ZC3H6: variants seen among roughly 807,000 people sequenced by gnomAD.
The protein encoded by ZC3H6 is zinc finger CCCH-type containing 6, also known as zinc finger CCCH domain-containing protein 6.
In ZC3H6, 40 loss-of-function variants were observed where a neutral mutation model predicts 107.7. The ratio of observed to expected loss-of-function variants is 0.37; its 90% CI spans 0.29 to 0.48. ZC3H6 has a LOEUF of 0.48. Ranked by LOEUF, ZC3H6 falls within the 20% of genes least tolerant of loss-of-function variation. The pLI, the probability that ZC3H6 is intolerant of heterozygous loss-of-function variation, is 0.98. For synonymous variants in ZC3H6, 493 were observed against 487.9 expected (o/e 1.01, Z -0.14); for missense variants, 1,267 against 1,410.4 (o/e 0.90, Z 1.63).
intron 7 of ZC3H6, among the ~76,000 whole-genome samples, chr2:112,317,822 G>T (rs1168388587): frequency 6.6e-6 from 1 of 152,052 alleles, no homozygotes; most frequent in African/African-American, 2.4e-5. Flanking sequence ...ACTATATATA[G>T]TGTTCTGGTC....
At chr2:112,299,819 T>C (rs1676333486) in intron 1 of ZC3H6, 30 bp from the exon 2 acceptor site, 1 of 1,333,124 alleles carries the variant, frequency 7.5e-7, no homozygotes, top group Non-Finnish European at 9.8e-7. Context: ...TTTAGAATGA[T>C]ATTTGAAAAT....
chr2:112,279,127 G>C (rs1487942032), intron 1 of ZC3H6, among the ~76,000 whole-genome samples: 1 of 152,202 alleles, frequency 6.6e-6, no homozygotes, highest in Non-Finnish European at 1.5e-5. Flanking sequence ...CATAAGCCCA[G>C]AGCCTAGTTT....
intron 5 of ZC3H6, among the ~76,000 whole-genome samples, chr2:112,315,678 C>T (rs1387299643): frequency 2.0e-5 from 3 of 152,038 alleles, no homozygotes; most frequent in Non-Finnish European, 4.4e-5. Context: ...TCACTGCAGG[C>T]TCCACCTCCC....
Position 112,315,696 on chromosome 2 carries a change from A to G in ZC3H6, c.748-774A>G, listed in dbSNP as rs1676684718. 3.3e-5 allele frequency among the ~76,000 whole-genome samples: 5 copies of G among 152,166 alleles called. 1 individual carries two copies. In the Middle Eastern group the frequency reaches 0.014, roughly 414 times the overall value. ...CTGCAGGCTCCACCTCCCAGGTTCAAGCGATTCTCGTGCCTCAGCCTCCCA... is the reference window on the plus strand; with the variant it reads ...CTGCAGGCTCCACCTCCCAGGTTCAGGCGATTCTCGTGCCTCAGCCTCCCA... On this transcript the variant is annotated intron_variant, in intron 5 of 11. Transcript: ENST00000409871.
chr2:112,313,707 C>A (rs1309185320), intron 5 of ZC3H6, among the ~76,000 whole-genome samples: 4 of 152,062 alleles, frequency 2.6e-5, no homozygotes, highest in African/African-American at 4.8e-5. Context: ...TGTGCCAGAG[C>A]CCACGGAAGC....
intron 7 of ZC3H6, among the ~76,000 whole-genome samples, chr2:112,320,708 G>C (rs1676785651): frequency 6.6e-6 from 1 of 151,826 alleles, no homozygotes; most frequent in Non-Finnish European, 1.5e-5. Context: ...TATTCTTATG[G>C]GGTTTTTGTT....
intron 1 of ZC3H6, among the ~76,000 whole-genome samples, chr2:112,289,324 T>G (rs1310192283): frequency 2.9e-5 from 2 of 69,290 alleles, no homozygotes; most frequent in Non-Finnish European, 6.3e-5. Context: ...TTCTTTTTCT[T>G]TTTTTTTTTT....
At chr2:112,317,747 C>T (rs1676728089) in intron 7 of ZC3H6, among the ~76,000 whole-genome samples, 1 of 152,112 alleles carries the variant, frequency 6.6e-6, no homozygotes, top group Non-Finnish European at 1.5e-5. Flanking sequence ...ATATTCTTCC[C>T]CACTCTCCCT....
At chr2:112,289,863 C>A (rs1172173942) in intron 1 of ZC3H6, among the ~76,000 whole-genome samples, 1 of 152,206 alleles carries the variant, frequency 6.6e-6, no homozygotes, top group Non-Finnish European at 1.5e-5. Context: ...ACCCCAGCCT[C>A]CAGAGTGGCT....
chr2:112,301,954 T>G (rs1233984753), intron 2 of ZC3H6, among the ~76,000 whole-genome samples: 1 of 151,916 alleles, frequency 6.6e-6, no homozygotes, highest in Non-Finnish European at 1.5e-5. Flanking sequence ...GTATATAATT[T>G]TATGAAAATA....
chr2:112,324,325 C>T lies in ZC3H6; in HGVS notation c.1514C>T (p.Ala505Val), dbSNP rs758927154. The change falls in exon 10 of 12, where the codon GCA becomes GTA. Residue 505 changes from alanine to valine, a missense_variant. Ala to Val is a moderately conservative substitution (Grantham distance 64, BLOSUM62 0). Coordinates refer to ENST00000409871, the MANE Select transcript of ZC3H6 (RefSeq NM_198581.3). ...GGCTCCCCTGGACATCACCCATGTG[C>T]AGGACCTCCTGGTCTACCAGTGCCA... ...HPGSPGHHPC[A>V]GPPGLPVPQS... The T allele has an allele frequency of 6.2e-7, 1 of 1,613,954 alleles. No homozygotes were observed. Among genetic ancestry groups the T allele is most frequent in the East Asian group, 2.2e-5 (1 of 44,876 alleles).
At chr2:112,309,647 C>T (rs1676557888) in intron 3 of ZC3H6, among the ~76,000 whole-genome samples, 1 of 152,080 alleles carries the variant, frequency 6.6e-6, no homozygotes, top group Non-Finnish European at 1.5e-5. Context: ...AGACATAGAA[C>T]ATAGAAAGCA....
chr2:112,323,010 T>C, intron 9 of ZC3H6, 108 bp downstream of exon 9: 8 of 1,227,030 alleles, frequency 6.5e-6, no homozygotes, highest in Non-Finnish European at 9.0e-6. Context: ...TGGTTAGAGA[T>C]AGCACATATC....
intron 1 of ZC3H6, among the ~76,000 whole-genome samples, chr2:112,293,700 A>G (rs1251011122): frequency 1.3e-5 from 2 of 152,236 alleles, no homozygotes; most frequent in Admixed American, 1.3e-4. Flanking sequence ...GGATTAATCA[A>G]GAGAACTATA....
chr2:112,325,041 G>A lies in ZC3H6; in HGVS notation c.1930G>A (p.Asp644Asn). 1.2e-6 allele frequency: 2 copies of A among 1,613,734 alleles called. No individual in the cohort carries two copies. Among genetic ancestry groups the A allele is most frequent in the Non-Finnish European group, 1.7e-6 (2 of 1,179,782 alleles). ...QDSPNHGSGS[D>N]GSSTRTGHGP... ...CTCACCTAACCATGGGAGTGGGTCTGATGGCAGCAGCACTAGGACAGGCCA... is the reference window on the plus strand; with the variant it reads ...CTCACCTAACCATGGGAGTGGGTCTAATGGCAGCAGCACTAGGACAGGCCA... The change falls in exon 11 of 12, where the codon GAT (aspartate) becomes AAT (asparagine). Residue 644 changes from aspartate to asparagine, a missense_variant. By Grantham distance (23) the Asp-to-Asn change is conservative. Transcript: ENST00000409871.
At position 112,310,107 on chromosome 2, in the gene ZC3H6, T is replaced by A. The variant is rs1434767443; in HGVS notation, c.559T>A (p.Ser187Thr). 1.2e-6 allele frequency: 2 copies of A among 1,613,086 alleles called. No homozygotes were observed. Among genetic ancestry groups the A allele is most frequent in the Non-Finnish European group, 1.7e-6 (2 of 1,179,508 alleles). Residue 187 changes from serine (S) to threonine (T), a missense_variant, in exon 4 of 12, where the codon TCA (serine) becomes ACA (threonine). By Grantham distance (58) the Ser-to-Thr change is moderately conservative. This residue lies in a region of ZC3H6 where 337 missense variants were observed against 361.2 expected (regional missense o/e 0.93). Coordinates refer to ENST00000409871, the MANE Select transcript of ZC3H6 (RefSeq NM_198581.3). ...AGAAACCTCAAATATTGCTTTAGGG[T>A]CATCATTTTCTAAAGAATCAGGAAA... ...AKETSNIALG[S>T]SFSKESGKKQ...
chr2:112,312,160 G>A, intron 5 of ZC3H6: 3 of 444,628 alleles, frequency 6.7e-6, no homozygotes, highest in Non-Finnish European at 1.2e-5. Flanking sequence ...ATGTTTGAAA[G>A]AACCTCAAAA....
At chr2:112,321,322 C>T (rs1676797042) in intron 7 of ZC3H6, among the ~76,000 whole-genome samples, 1 of 151,600 alleles carries the variant, frequency 6.6e-6, no homozygotes, top group African/African-American at 2.4e-5. Flanking sequence ...AGTAACAGAG[C>T]TTATGTAATT....
chr2:112,326,751 T>C (rs992666895), intron 11 of ZC3H6, among the ~76,000 whole-genome samples: 1 of 152,206 alleles, frequency 6.6e-6, no homozygotes, highest in Non-Finnish European at 1.5e-5. Flanking sequence ...TAGCTGGGAT[T>C]ACAGGTGTGC....
Sources: allele counts gnomAD v4.1 joint callset (sites outside exome capture counted in the v4.1 genomes callset), GRCh38; gene constraint gnomAD v4.1.1; regional missense constraint gnomAD v4.1.1; transcripts MANE v1.5; gene names NCBI Gene and HGNC (gene_info 2026-07-23, HGNC 2026-07-21).